Variants in RELN observed in about 807,000 individuals in gnomAD.
RELN encodes the protein reelin.
Under a neutral mutation model 427.6 loss-of-function variants are expected in RELN, and 108 were observed. That is an observed-to-expected ratio of 0.25 (90% CI 0.22 to 0.30). The LOEUF (loss-of-function observed/expected upper bound fraction) is 0.30. Among genes scored for constraint, RELN ranks in the 10% least tolerant of loss-of-function variants. The pLI is 1.00. For missense variants in RELN, 3,715 were observed against 4,302.8 expected, an observed-to-expected ratio of 0.86 and a Z score of 3.82; for synonymous variants, 1,524 against 1,513.4, an observed-to-expected ratio of 1.01 and a Z score of -0.16.
At chr7:103,593,222 T>C (rs1831461285) in intron 27 of RELN, among the ~76,000 whole-genome samples, 1 of 152,202 alleles carries the variant, frequency 6.6e-6, no homozygotes. Flanking sequence ...AACAAGAAGC[T>C]TTTAAGAGAA....
intron 2 of RELN, among the ~76,000 whole-genome samples, chr7:103,838,733 G>A (rs1793476100): frequency 6.6e-6 from 1 of 152,200 alleles, no homozygotes. Context: ...TAAGGTTTCA[G>A]CGTTATAGAG....
rs362701 is a variant in RELN at position 103,640,077 on chromosome 7, A to G, written c.2069+466T>C. On this transcript the variant is annotated intron_variant, in intron 17 of 64. Coordinates refer to ENST00000428762, the MANE Select transcript of RELN (RefSeq NM_005045.4). This position sits in a 1 kb window ranked among gnomAD's most constrained non-coding sequence, Gnocchi z 4.1. ...CTCAAATGATTTTCAAAAGTAAACAAGACGCTTAAGTTATATTTAAAGATG... is the reference window on the plus strand; with the variant it reads ...CTCAAATGATTTTCAAAAGTAAACAGGACGCTTAAGTTATATTTAAAGATG... Among the ~76,000 whole-genome samples the G allele has an allele frequency of 0.01, 1,571 of 152,318 alleles. 23 individuals are homozygous for G. Among genetic ancestry groups the G allele is most frequent in the African/African-American group, 0.036 (1,484 of 41,572 alleles).
chr7:103,574,381 G>C, intron 29 of RELN, 82 bp from the exon 30 acceptor site: 1 of 1,146,508 alleles, frequency 8.7e-7, no homozygotes, highest in Non-Finnish European at 1.3e-6. Flanking sequence ...GGCAAAGGAA[G>C]AATGTCCATA....
intron 20 of RELN, among the ~76,000 whole-genome samples, chr7:103,619,103 C>T (rs1230204232): frequency 6.9e-6 from 1 of 145,524 alleles, no homozygotes; most frequent in African/African-American, 2.7e-5. Context: ...AGTGAGACTC[C>T]CTCTCAAATT....
At chr7:103,892,861 A>G (rs1794879728) in intron 2 of RELN, among the ~76,000 whole-genome samples, 1 of 152,178 alleles carries the variant, frequency 6.6e-6, no homozygotes, top group African/African-American at 2.4e-5. Flanking sequence ...ATCTTTCAGA[A>G]TATACCTATG....
intron 16 of RELN, among the ~76,000 whole-genome samples, chr7:103,647,099 A>G (rs1832813030): frequency 6.6e-6 from 1 of 152,070 alleles, no homozygotes; most frequent in African/African-American, 2.4e-5. Flanking sequence ...CAAAGCCAAC[A>G]TAATATGGAA....
At chr7:103,605,762 T>G (rs989679480) in intron 22 of RELN, among the ~76,000 whole-genome samples, 10 of 152,238 alleles carry the variant, frequency 6.6e-5, no homozygotes, top group African/African-American at 2.4e-4. Context: ...ACCCACATAT[T>G]AAGTACTCCC....
intron 3 of RELN, among the ~76,000 whole-genome samples, chr7:103,803,746 G>A (rs1029484434): frequency 2.0e-5 from 3 of 152,048 alleles, no homozygotes; most frequent in African/African-American, 7.2e-5. Context: ...TAAGACTCTT[G>A]ATGACAACCT....
intron 50 of RELN, among the ~76,000 whole-genome samples, chr7:103,511,640 G>C (rs2711847): frequency 0.24 from 37,148 of 151,812 alleles, 4,935 homozygotes; most frequent in East Asian, 0.43. Context: ...CACTTTGAAA[G>C]GCTGAAGTGG....
chr7:103,816,799 A>G (rs982707487), intron 3 of RELN, among the ~76,000 whole-genome samples: 1 of 152,008 alleles, frequency 6.6e-6, no homozygotes, highest in African/African-American at 2.4e-5. Context: ...AATAGAACTG[A>G]TAACTCACAG....
intron 20 of RELN, among the ~76,000 whole-genome samples, chr7:103,614,225 GA>G (rs1276739540): frequency 6.6e-6 from 1 of 152,198 alleles, no homozygotes; most frequent in African/African-American, 2.4e-5. Context: ...TCAACTGGTA[GA>G]ATAGGAATCT....
At chr7:103,971,538 T>C (rs1048261367) in intron 1 of RELN, among the ~76,000 whole-genome samples, 5 of 152,192 alleles carry the variant, frequency 3.3e-5, no homozygotes, top group Non-Finnish European at 5.9e-5. Context: ...TAAAATACTC[T>C]TTTTAAACCT....
chr7:103,593,617 A>G, intron 27 of RELN, 65 bp downstream of exon 27: 1 of 1,370,234 alleles, frequency 7.3e-7, no homozygotes, highest in Admixed American at 1.7e-5. Flanking sequence ...TGTGAGTTCC[A>G]CTTATACATC....
intron 1 of RELN, among the ~76,000 whole-genome samples, chr7:103,962,646 T>TTGTTGTGTGTGTGTGTGTGTGTG (rs1187382987): frequency 2.7e-5 from 4 of 149,816 alleles, no homozygotes; most frequent in African/African-American, 9.8e-5. Context: ...TCCAAAGTTG[T>TTGTTGTGTGTGTGTGTGTGTGTG]TGTGTGTGTG....
intron 3 of RELN, among the ~76,000 whole-genome samples, chr7:103,788,881 C>G (rs1792088328): frequency 6.6e-6 from 1 of 152,136 alleles, no homozygotes; most frequent in Non-Finnish European, 1.5e-5. Flanking sequence ...ATAGCCAAGA[C>G]AATCCTAAGC....
At chr7:103,733,354 A>G (rs1584445267) in intron 6 of RELN, among the ~76,000 whole-genome samples, 1 of 147,968 alleles carries the variant, frequency 6.8e-6, no homozygotes, top group Non-Finnish European at 1.5e-5. Flanking sequence ...ACTGTAAACT[A>G]GTTCAACCAT....
intron 28 of RELN, among the ~76,000 whole-genome samples, chr7:103,581,101 G>C (rs147024530): frequency 6.6e-6 from 1 of 152,120 alleles, no homozygotes. Context: ...GTTCTCAGGG[G>C]GTGAAGTCTG....
At position 103,843,150 on chromosome 7, in the gene RELN, A is replaced by G. The variant is rs576664194; in HGVS notation, c.338-9478T>C. ...GTGAGTGTACGGCACACAGTGTTGTACATGTTGGCTATTATTATCATTCCC... is the reference window on the plus strand; with the variant it reads ...GTGAGTGTACGGCACACAGTGTTGTGCATGTTGGCTATTATTATCATTCCC... On this transcript the variant is annotated intron_variant, in intron 2 of 64. Transcript: ENST00000428762. 1.6e-4 allele frequency among the ~76,000 whole-genome samples: 24 copies of G among 152,266 alleles called. No individual in the cohort carries two copies. The South Asian group carries it at 5.0e-3, about 32-fold the overall frequency.
Position 103,574,229 on chromosome 7 carries a change from G to A in RELN, c.4374C>T (p.Leu1458=), listed in dbSNP as rs1584308677. 1.2e-6 allele frequency: 2 copies of A among 1,614,144 alleles called. No individual in the cohort carries two copies. The highest frequency in any genetic ancestry group is 8.5e-7 in the Non-Finnish European group (1 of 1,180,032). Residue 1458 remains leucine, a synonymous_variant, in exon 30 of 65, where the codon CTC becomes CTT. Coordinates refer to ENST00000428762, the MANE Select transcript of RELN (RefSeq NM_005045.4). ...CTGTTATCTTGTACCACAGAGGGCT[G>A]AGCTTCCCCTCAAACCTATCGAACA... ...NEMFDRFEGK[L]SPLWYKITGA...
Sources: gnomAD v4.1 joint callset for allele counts (sites outside exome capture counted in the v4.1 genomes callset) on GRCh38, gnomAD v4.1.1 for gene constraint, Gnocchi (gnomAD v3.1) non-coding constraint, MANE v1.5 for transcripts, NCBI Gene and HGNC (gene_info 2026-07-23, HGNC 2026-07-21) for gene names.